The following FKBP15 variants were observed in gnomAD, a reference collection of about 807,000 sequenced individuals.
FKBP15 encodes FK506-binding protein 15.
FKBP15 carries 106 observed loss-of-function variants against 158.1 expected under a neutral mutation model. The ratio of observed to expected loss-of-function variants is 0.67; its 90% CI spans 0.57 to 0.79. FKBP15 has a LOEUF of 0.79. Ranked by LOEUF, FKBP15 falls within the 30% of genes least tolerant of loss-of-function variation. The probability of loss-of-function intolerance (pLI) is 0.00; values close to 1 mark genes in which losing one functional copy is unlikely to be tolerated. For synonymous variants in FKBP15, 547 were observed against 548.6 expected (o/e 1.00, Z 0.04); for missense variants, 1,287 against 1,479.1 (o/e 0.87, Z 2.13).
rs1381648942 is a variant in FKBP15, at chr9:113,198,259, C to T, written c.717+596G>A. Reference sequence around the variant, plus strand: ...CGAGAAGAAACTGTCTCACTTTTTCCCCTGTTAGGCTATAGGAAGGATGAA... The same window carrying T: ...CGAGAAGAAACTGTCTCACTTTTTCTCCTGTTAGGCTATAGGAAGGATGAA... On this transcript the variant is annotated intron_variant, in intron 8 of 27. Coordinates refer to ENST00000238256, the MANE Select transcript of FKBP15 (RefSeq NM_015258.2). The surrounding 1 kb of genome is among the most constrained non-coding windows in gnomAD (Gnocchi z 5.2). 6.6e-6 allele frequency among the ~76,000 whole-genome samples: 1 copy of T among 152,068 alleles called. No individual in the cohort carries two copies. The highest frequency in any genetic ancestry group is 2.1e-4 in the South Asian group (1 of 4,828).
intron 9 of FKBP15, among the ~76,000 whole-genome samples, chr9:113,195,373 G>A (rs1303350989): frequency 6.6e-6 from 1 of 152,114 alleles, no homozygotes; most frequent in Non-Finnish European, 1.5e-5. Flanking sequence ...TGGTAAAACA[G>A]AAAATTTTTT....
rs371912906 is a variant in FKBP15, at chr9:113,170,529, G to A, written c.2759C>T (p.Thr920Met). The change falls in exon 25 of 28, where the codon ACG (threonine) becomes ATG (methionine). Residue 920 changes from threonine to methionine, a missense_variant. By Grantham distance (81) the Thr-to-Met change is moderately conservative. Coordinates refer to ENST00000238256, the MANE Select transcript of FKBP15 (RefSeq NM_015258.2). ...ACAGCTGGCTGGCTGTACCTTGATCGTATTCATGATGGTTCCCAGAATGGT... is the reference window on the plus strand; with the variant it reads ...ACAGCTGGCTGGCTGTACCTTGATCATATTCATGATGGTTCCCAGAATGGT... ...GRTILGTIMN[T>M]IKMVTLQLLN... The A allele has an allele frequency of 5.6e-6, 9 of 1,609,152 alleles. No individual in the cohort carries two copies. The highest frequency in any genetic ancestry group is 3.3e-5 in the South Asian group (3 of 90,988).
rs1830758091 is a variant in FKBP15 at position 113,199,966 on chromosome 9, G to A, written c.499-3C>T. ...CTGTTGCACTTAGCAATGCACACCTGCAAGACAAAATCAAAGCAGCATAAA... is the reference window on the plus strand; with the variant it reads ...CTGTTGCACTTAGCAATGCACACCTACAAGACAAAATCAAAGCAGCATAAA... On this transcript the variant is annotated splice_polypyrimidine_tract_variant and splice_region_variant and intron_variant, in intron 6 of 27. Transcript: ENST00000238256. 6.2e-7 allele frequency: 1 copy of A among 1,609,224 alleles called. No individual in the cohort carries two copies. Among genetic ancestry groups the A allele is most frequent in the African/African-American group, 1.3e-5 (1 of 74,864 alleles).
chr9:113,170,461 A>C, intron 25 of FKBP15, 61 bp downstream of exon 25: 1 of 1,141,882 alleles, frequency 8.8e-7, no homozygotes, highest in South Asian at 1.2e-5. Context: ...GATCCCTTAG[A>C]AGGTACTTAA....
At chr9:113,204,813 A>G (rs1048685557) in intron 4 of FKBP15, among the ~76,000 whole-genome samples, 3 of 152,174 alleles carry the variant, frequency 2.0e-5, no homozygotes, top group Non-Finnish European at 4.4e-5. Flanking sequence ...CTGCCATGTG[A>G]TTATTCTTAT....
Position 113,206,584 on chromosome 9 carries a change from A to G in FKBP15, c.255-6T>C, listed in dbSNP as rs1830891757. Reference sequence around the variant, plus strand: ...TTACATATTGACCATTTGTGCTATAAAAGGAAGAGAAACAACAAGTATTAA... The same window carrying G: ...TTACATATTGACCATTTGTGCTATAGAAGGAAGAGAAACAACAAGTATTAA... On this transcript the variant is annotated splice_region_variant and splice_polypyrimidine_tract_variant and intron_variant, in intron 3 of 27. Coordinates refer to ENST00000238256, the MANE Select transcript of FKBP15 (RefSeq NM_015258.2). The G allele has an allele frequency of 5.6e-6, 9 of 1,607,790 alleles. No individual in the cohort carries two copies. Among genetic ancestry groups the G allele is most frequent in the Non-Finnish European group, 6.8e-6 (8 of 1,177,102 alleles).
At chr9:113,202,903 G>T in intron 5 of FKBP15, 58 bp downstream of exon 5, 1 of 1,344,302 alleles carries the variant, frequency 7.4e-7, no homozygotes, top group Non-Finnish European at 1.1e-6. Context: ...AATCAGACCA[G>T]TCTCTCCTGT....
rs3810909 is a variant in FKBP15, at chr9:113,169,412, A to G, written c.3297T>C (p.Thr1099=). The G allele has an allele frequency of 0.18, 294,445 of 1,613,934 alleles. 27,713 individuals are homozygous for G. Among genetic ancestry groups the G allele is most frequent in the Admixed American group, 0.24 (14,554 of 60,024 alleles). ...GTGGGTCCCCCTCCTCGGGGTCTGA[A>G]GTCAGGGACAGTCTTGTGGAGCTTT... The part of the protein sequence containing the change: ...LQESSTRLSL[T]SDPEEGDPLA... The change falls in exon 26 of 28, where the codon ACT becomes ACC. Residue 1099 remains threonine (T), a synonymous_variant. Transcript: ENST00000238256.
At chr9:113,181,072 T>G (rs1037917802) in intron 19 of FKBP15, among the ~76,000 whole-genome samples, 6 of 152,196 alleles carry the variant, frequency 3.9e-5, no homozygotes, top group Admixed American at 2.0e-4. Flanking sequence ...GTAAAACATG[T>G]GGTACTTGGC....
At chr9:113,214,493 A>G (rs575531879) in intron 1 of FKBP15, among the ~76,000 whole-genome samples, 52 of 152,328 alleles carry the variant, frequency 3.4e-4, no homozygotes, top group African/African-American at 1.2e-3. Flanking sequence ...CATTTAAAAT[A>G]TTCAGTAAAC....
intron 12 of FKBP15, among the ~76,000 whole-genome samples, chr9:113,189,571 G>A (rs1014814380): frequency 5.9e-5 from 9 of 151,650 alleles, no homozygotes; most frequent in Admixed American, 4.6e-4. Flanking sequence ...ATAACAATAG[G>A]CCTCAGAAAT....
Position 113,207,280 on chromosome 9 carries a change from T to C in FKBP15, c.186A>G (p.Pro62=). 6.2e-7 allele frequency: 1 copy of C among 1,612,866 alleles called. No homozygotes were observed. Among genetic ancestry groups the C allele is most frequent in the Non-Finnish European group, 8.5e-7 (1 of 1,179,508 alleles). ...GTAATGNQAT[P]KTAPATMSTP... is the part of the protein sequence containing the mutation. ...TGCTCATGGTGGCTGGTGCTGTTTT[T>C]GGTGTTGCCTGATTTCCTGAAGATG... The change falls in exon 3 of 28, where the codon CCA becomes CCG. Residue 62 remains proline (P), a synonymous_variant. Transcript: ENST00000238256.
intron 2 of FKBP15, among the ~76,000 whole-genome samples, chr9:113,209,646 A>G (rs7868348): frequency 0.013 from 1,928 of 152,356 alleles, 44 homozygotes; most frequent in African/African-American, 0.044. Flanking sequence ...TTCCTGAGTG[A>G]TAAGAGTGGT....
chr9:113,198,844 T>G lies in FKBP15; in HGVS notation c.717+11A>C, dbSNP rs371408857. The G allele has an allele frequency of 2.8e-5, 45 of 1,591,262 alleles. No homozygotes were observed. Among genetic ancestry groups the G allele is most frequent in the Non-Finnish European group, 3.2e-5 (37 of 1,166,124 alleles). The stretch of plus-strand genomic sequence containing the variant: ...TGATAAAACCATAAAAAAACACAGT[T>G]AAGCCTTTACCTTGATGACTTTTCC... On this transcript the variant is annotated intron_variant, in intron 8 of 27. Coordinates refer to ENST00000238256, the MANE Select transcript of FKBP15 (RefSeq NM_015258.2). The surrounding 1 kb of genome is among the most constrained non-coding windows in gnomAD (Gnocchi z 5.2).
chr9:113,184,739 C>A lies in FKBP15; in HGVS notation c.1564G>T (p.Ala522Ser), dbSNP rs1211881110. 6.2e-7 allele frequency: 1 copy of A among 1,609,168 alleles called. No individual in the cohort carries two copies. ...ARQHNTEIRM[A>S]VSKVADKMDH... ...ATTTTATCAGCCACTTTGCTGACTG[C>A]CATTCGAATTTCAGTGTTATGTTGC... The change falls in exon 16 of 28, where the codon GCA becomes TCA. Residue 522 changes from alanine (A) to serine (S), a missense_variant. Ala to Ser is a moderately conservative substitution (Grantham distance 99, BLOSUM62 1). Transcript: ENST00000238256. This position sits in a 1 kb window ranked among gnomAD's most constrained non-coding sequence, Gnocchi z 4.5.
At position 113,183,862 on chromosome 9, in the gene FKBP15, T is replaced by C; in HGVS notation, c.1717-17A>G. 2 of 1,581,292 alleles carry C rather than the reference T, an allele frequency of 1.3e-6. No individual in the cohort carries two copies. The highest frequency in any genetic ancestry group is 8.7e-7 in the Non-Finnish European group (1 of 1,151,306). On this transcript the variant is annotated splice_polypyrimidine_tract_variant and intron_variant, in intron 17 of 27. Transcript: ENST00000238256. ...TTCATTTTCCTAATTTCAAAATATA[T>C]GATGTACAATTTAAGTGTCTTGGGA...
chr9:113,168,312 G>C, intron 27 of FKBP15, 148 bp downstream of exon 27: 2 of 635,734 alleles, frequency 3.1e-6, no homozygotes. Context: ...CGCCCTCCCA[G>C]CCCAGCCCCA....
At chr9:113,216,443 G>C (rs1356291305) in intron 1 of FKBP15, among the ~76,000 whole-genome samples, 2 of 152,184 alleles carry the variant, frequency 1.3e-5, no homozygotes, top group African/African-American at 2.4e-5. Context: ...TACTGTAAAG[G>C]ACTAAGAGGT....
At position 113,184,837 on chromosome 9, in the gene FKBP15, A is replaced by G; in HGVS notation, c.1499-33T>C. On this transcript the variant is annotated intron_variant, in intron 15 of 27. Transcript: ENST00000238256. This position sits in a 1 kb window ranked among gnomAD's most constrained non-coding sequence, Gnocchi z 4.5. ...GATACAAGCCAAAAAGAAACTTATGAAACTGGAGCAGAGGAAACTGTATGA... is the reference window on the plus strand; with the variant it reads ...GATACAAGCCAAAAAGAAACTTATGGAACTGGAGCAGAGGAAACTGTATGA... 6.6e-7 allele frequency: 1 copy of G among 1,515,596 alleles called. No individual in the cohort carries two copies. Among genetic ancestry groups the G allele is most frequent in the South Asian group, 1.2e-5 (1 of 84,040 alleles). 93.9% of individuals were successfully genotyped at this position (1,515,596 alleles called of 1,614,324 possible).
Sources: gnomAD v4.1 joint callset for allele counts (sites outside exome capture counted in the v4.1 genomes callset) on GRCh38, gnomAD v4.1.1 for gene constraint, Gnocchi (gnomAD v3.1) non-coding constraint, MANE v1.5 for transcripts, NCBI Gene and HGNC (gene_info 2026-07-23, HGNC 2026-07-21) for gene names.